Variants in EYA1 observed in about 807,000 individuals in gnomAD.
EYA1 encodes the protein EYA transcriptional coactivator and phosphatase 1.
A neutral mutation model predicts 82.0 loss-of-function variants in EYA1; 16 were observed. The observed-to-expected ratio is 0.20, with a 90% CI of 0.13 to 0.30. EYA1 has a LOEUF of 0.30. Ranked by LOEUF, EYA1 falls within the 10% of genes least tolerant of loss-of-function variation. The pLI, the probability that EYA1 is intolerant of heterozygous loss-of-function variation, is 1.00. For missense variants in EYA1, 633 were observed against 730.7 expected (o/e 0.87, Z 1.54); for synonymous variants, 261 against 264.4 (o/e 0.99, Z 0.12).
chr8:71,533,054 TAG>T (rs1814417269), intron 2 of EYA1, among the ~76,000 whole-genome samples: 1 of 152,200 alleles, frequency 6.6e-6, no homozygotes, highest in Non-Finnish European at 1.5e-5. Flanking sequence ...CATGAACTTT[TAG>T]AACAGGCAAA....
At chr8:71,347,312 T>TTTTATTTATTTATTTATTTA (rs151215046) in intron 3 of EYA1, among the ~76,000 whole-genome samples, 17 of 151,810 alleles carry the variant, frequency 1.1e-4, no homozygotes, top group African/African-American at 3.9e-4. Flanking sequence ...CTAAAGATTG[T>TTTTATTTATTTATTTATTTA]TTTATTTATT....
At chr8:71,268,925 A>T (rs2128946530) in intron 11 of EYA1, among the ~76,000 whole-genome samples, 1 of 152,360 alleles carries the variant, frequency 6.6e-6, no homozygotes, top group South Asian at 2.1e-4. Flanking sequence ...ATAAGAATTC[A>T]GTCTCTAATG....
chr8:71,449,969 C>T (rs1807219428), intron 2 of EYA1, among the ~76,000 whole-genome samples: 2 of 152,194 alleles, frequency 1.3e-5, no homozygotes, highest in Non-Finnish European at 1.5e-5. Flanking sequence ...AACTTTTCTT[C>T]TACAGTTTCC....
chr8:71,265,153 T>G (rs142946651), intron 11 of EYA1, among the ~76,000 whole-genome samples: 8 of 148,064 alleles, frequency 5.4e-5, no homozygotes, highest in Non-Finnish European at 1.2e-4. Context: ...AATTCAAGTT[T>G]TTGTTTTTGT....
In EYA1 at chr8:71,463,668, G is replaced by A. The variant is rs1179975484; in HGVS notation, c.33+72076C>T. Among the ~76,000 whole-genome samples the A allele has an allele frequency of 1.8e-5, 2 of 109,812 alleles. 1 individual carries two copies. The highest frequency in any genetic ancestry group is 3.4e-5 in the Non-Finnish European group (2 of 58,072). 72.0% of individuals were successfully genotyped at this position (109,812 alleles called of 152,430 possible). A position where few individuals can be genotyped will look rare whatever the true frequency, so the allele number is the denominator to read the frequency against. ...CCCCTCCCACACACACACTCACAGA[G>A]TACACATATACACATATATTTACAT... On this transcript the variant is annotated intron_variant, in intron 2 of 18. Transcript: ENST00000643681.
intron 2 of EYA1, among the ~76,000 whole-genome samples, chr8:71,525,878 C>A (rs2129276589): frequency 6.6e-6 from 1 of 152,266 alleles, no homozygotes; most frequent in Non-Finnish European, 1.5e-5. Flanking sequence ...GGCAATTGTA[C>A]TTATTCACTC....
At position 71,413,858 on chromosome 8, in the gene EYA1, A is replaced by C. The variant is rs59653971; in HGVS notation, c.34-57347T>G. The stretch of plus-strand genomic sequence containing the variant: ...TGTCTTACTTCTAAAGGTATGCAGC[A>C]AGAAAGGAATCATTTTGCTTTGTTC... On this transcript the variant is annotated intron_variant, in intron 2 of 18. Coordinates refer to the EYA1 transcript ENST00000643681. Among the ~76,000 whole-genome samples, 992 of 152,362 alleles carry C rather than the reference A, an allele frequency of 6.5e-3. 14 individuals are homozygous for C. Among genetic ancestry groups the C allele is most frequent in the African/African-American group, 0.023 (941 of 41,584 alleles).
intron 11 of EYA1, among the ~76,000 whole-genome samples, chr8:71,248,975 G>A (rs1813430642): frequency 1.3e-5 from 2 of 152,156 alleles, no homozygotes; most frequent in Non-Finnish European, 2.9e-5. Context: ...TAATTTTCTT[G>A]CAATAACAAA....
At chr8:71,523,150 C>G (rs1353490211) in intron 2 of EYA1, among the ~76,000 whole-genome samples, 1 of 148,634 alleles carries the variant, frequency 6.7e-6, no homozygotes, top group Non-Finnish European at 1.5e-5. Context: ...AAAATCTATT[C>G]AGCTCTTTTT....
chr8:71,212,316 A>T (rs1808612665), intron 16 of EYA1, among the ~76,000 whole-genome samples: 1 of 152,252 alleles, frequency 6.6e-6, no homozygotes, highest in Non-Finnish European at 1.5e-5. Flanking sequence ...TTATTCAAAG[A>T]TGCAATTTAA....
chr8:71,266,495 T>G (rs1379115626), intron 11 of EYA1, among the ~76,000 whole-genome samples: 5 of 152,202 alleles, frequency 3.3e-5, no homozygotes, highest in African/African-American at 1.2e-4. Context: ...CTTGCATGCT[T>G]CCAGCTACAA....
intron 2 of EYA1, among the ~76,000 whole-genome samples, chr8:71,452,390 A>T (rs183445780): frequency 6.6e-6 from 1 of 152,206 alleles, no homozygotes; most frequent in Admixed American, 6.5e-5. Context: ...GCAGACTTAA[A>T]TGTCCCTGTC....
intron 3 of EYA1, chr8:71,334,406 T>A: frequency 1.8e-6 from 1 of 563,098 alleles, no homozygotes; most frequent in Non-Finnish European, 3.2e-6. Context: ...AAAGCAGCAC[T>A]GTAAAAGTAA....
intron 2 of EYA1, among the ~76,000 whole-genome samples, chr8:71,369,993 A>G (rs1467897939): frequency 6.6e-6 from 1 of 152,124 alleles, no homozygotes; most frequent in Non-Finnish European, 1.5e-5. Flanking sequence ...GGGAACAACC[A>G]AACTCCAAGG....
At chr8:71,341,778 C>G (rs920561464) in intron 3 of EYA1, among the ~76,000 whole-genome samples, 12 of 152,092 alleles carry the variant, frequency 7.9e-5, no homozygotes, top group Non-Finnish European at 1.2e-4. Flanking sequence ...AATGGTACAC[C>G]TGGTACAATC....
intron 2 of EYA1, among the ~76,000 whole-genome samples, chr8:71,478,683 T>C (rs1809863590): frequency 6.6e-6 from 1 of 152,114 alleles, no homozygotes; most frequent in African/African-American, 2.4e-5. Flanking sequence ...TGTTCACTGA[T>C]CTAGAGGAAA....
At chr8:71,395,414 T>C (rs560381924) in intron 2 of EYA1, among the ~76,000 whole-genome samples, 29 of 152,282 alleles carry the variant, frequency 1.9e-4, no homozygotes, top group African/African-American at 6.7e-4. Flanking sequence ...TTCAGTATGA[T>C]ATTGGCTGTG....
At chr8:71,420,600 G>A (rs1831094853) in intron 2 of EYA1, among the ~76,000 whole-genome samples, 1 of 152,166 alleles carries the variant, frequency 6.6e-6, no homozygotes, top group Admixed American at 6.5e-5. Flanking sequence ...CTAAGTGAAA[G>A]TAATAATGGA....
chr8:71,406,516 T>C (rs552235786), intron 2 of EYA1, among the ~76,000 whole-genome samples: 67 of 152,288 alleles, frequency 4.4e-4, no homozygotes, highest in East Asian at 1.7e-3. Flanking sequence ...AGTGGGTGTG[T>C]GCACCGTGTG....
Sources: allele counts gnomAD v4.1 joint callset (sites outside exome capture counted in the v4.1 genomes callset), GRCh38; gene constraint gnomAD v4.1.1; transcripts MANE v1.5; gene names NCBI Gene and HGNC (gene_info 2026-07-23, HGNC 2026-07-21).